PLA2R1: variants seen among roughly 807,000 people sequenced by gnomAD.
The protein encoded by PLA2R1 is secretory phospholipase A2 receptor.
In PLA2R1, 158 loss-of-function variants were observed where a neutral mutation model predicts 195.9. The ratio of observed to expected loss-of-function variants is 0.81; its 90% CI spans 0.71 to 0.92. The LOEUF (loss-of-function observed/expected upper bound fraction) is 0.92. Ranked by LOEUF, PLA2R1 falls within the 40% of genes least tolerant of loss-of-function variation. The pLI, the probability that PLA2R1 is intolerant of heterozygous loss-of-function variation, is 0.00. For missense variants in PLA2R1, 1,626 were observed against 1,764.6 expected, an observed-to-expected ratio of 0.92 and a Z score of 1.41; for synonymous variants, 586 against 598.2, an observed-to-expected ratio of 0.98 and a Z score of 0.30.
chr2:160,023,561 C>A (rs1693289469), intron 6 of PLA2R1, among the ~76,000 whole-genome samples: 1 of 152,204 alleles, frequency 6.6e-6, no homozygotes, highest in African/African-American at 2.4e-5. Flanking sequence ...GAATAATCTA[C>A]CCCTTGTTTA....
rs113935541 is a variant in PLA2R1 at position 159,966,484 on chromosome 2, C to G, written c.2904+1055G>C. 2.0e-4 allele frequency among the ~76,000 whole-genome samples: 31 copies of G among 152,196 alleles called. 1 individual carries two copies. The highest frequency in any genetic ancestry group is 7.2e-4 in the African/African-American group (30 of 41,550). Reference sequence around the variant, plus strand: ...TGAATGACAGTGTGAGTATGTGATACTTAACACTAGTAAACAGTAGACAAA... The same window carrying G: ...TGAATGACAGTGTGAGTATGTGATAGTTAACACTAGTAAACAGTAGACAAA... On this transcript the variant is annotated intron_variant, in intron 20 of 29. Transcript: ENST00000283243.
Position 160,062,312 on chromosome 2 carries a change from C to G in PLA2R1, c.92G>C (p.Arg31Pro). The change falls in exon 1 of 30, where the codon CGG (arginine) becomes CCG (proline). Residue 31 changes from arginine (R) to proline (P), a missense_variant. Arg to Pro is a moderately radical substitution (Grantham distance 103). Transcript: ENST00000283243. ...AGACTCACCCTGCCACTCCAGGAGC[C>G]GCTCGGGGGTAAGCGCCGCCGCCAC... ...EGVAAALTPE[R>P]LLEWQDKGIF... 6.6e-7 allele frequency: 1 copy of G among 1,513,358 alleles called. No individual in the cohort carries two copies. Among genetic ancestry groups the G allele is most frequent in the Admixed American group, 2.2e-5 (1 of 46,322 alleles). 93.7% of individuals were successfully genotyped at this position (1,513,358 alleles called of 1,614,324 possible).
rs999115475 is a variant in PLA2R1, at chr2:159,939,277, G to T, written c.*2501C>A. On this transcript the variant is annotated 3_prime_UTR_variant, in exon 30 of 30. Transcript: ENST00000283243. ...AATCTTAGCACTTTGGGAGGCTGGGGCGGGTGGATCACGAGATCAGGAGAT... is the reference window on the plus strand; with the variant it reads ...AATCTTAGCACTTTGGGAGGCTGGGTCGGGTGGATCACGAGATCAGGAGAT... The T allele has an allele frequency of 6.6e-6, 1 of 152,066 alleles. No homozygotes were observed. Among genetic ancestry groups the T allele is most frequent in the Non-Finnish European group, 1.5e-5 (1 of 68,022 alleles). 9.4% of individuals were successfully genotyped at this position (152,066 alleles called of 1,614,324 possible). A position where few individuals can be genotyped will look rare whatever the true frequency, so the allele number is the denominator to read the frequency against.
chr2:160,040,078 C>T (rs757412765), intron 3 of PLA2R1, among the ~76,000 whole-genome samples: 5 of 151,762 alleles, frequency 3.3e-5, no homozygotes, highest in Non-Finnish European at 5.9e-5. Context: ...AGAGATGATG[C>T]AAATAATATG....
Position 159,946,682 on chromosome 2 carries a change from A to T in PLA2R1, c.3967+119T>A, listed in dbSNP as rs762648505. On this transcript the variant is annotated intron_variant, in intron 27 of 29. Transcript: ENST00000283243. Reference sequence around the variant, plus strand: ...TTTGGAAGAAATGGCTTTAGGCTTCATGCTATTTTTTCTCAGAAAACGTAT... The same window carrying T: ...TTTGGAAGAAATGGCTTTAGGCTTCTTGCTATTTTTTCTCAGAAAACGTAT... 4.1e-4 allele frequency: 596 copies of T among 1,441,192 alleles called. 1 individual carries two copies. The highest frequency in any genetic ancestry group is 5.1e-4 in the Non-Finnish European group (562 of 1,100,842). The allele number at this position is 1,441,192 out of a possible 1,614,324, so 89.3% of individuals were successfully genotyped here. A position where few individuals can be genotyped will look rare whatever the true frequency, so the allele number is the denominator to read the frequency against.
At chr2:159,984,796 C>T (rs1546512) in intron 12 of PLA2R1, among the ~76,000 whole-genome samples, 26,556 of 152,090 alleles carry the variant, frequency 0.17, 5,423 homozygotes, top group African/African-American at 0.49. Flanking sequence ...AATCCCAGTC[C>T]TCTTACCCTT....
rs201969665 is a variant in PLA2R1, at chr2:160,044,981, C to T, written c.286G>A (p.Ala96Thr). 1.2e-4 allele frequency: 195 copies of T among 1,613,868 alleles called. No homozygotes were observed. The highest frequency in any genetic ancestry group is 1.5e-4 in the Non-Finnish European group (172 of 1,179,924). The change falls in exon 2 of 30, where the codon GCC (alanine) becomes ACC (threonine). Residue 96 changes from alanine (A) to threonine (T), a missense_variant. Coordinates refer to ENST00000283243, the MANE Select transcript of PLA2R1 (RefSeq NM_007366.5). ...GSGCLGLNFS[A>T]PEQPLSLYEC... The stretch of plus-strand genomic sequence containing the variant: ...TATAAGCTTAATGGCTGCTCTGGGG[C>T]GGAGAAATTCAGGCCCAGGCAACCA...
chr2:160,036,325 T>C (rs1694162718), intron 3 of PLA2R1, among the ~76,000 whole-genome samples: 2 of 152,234 alleles, frequency 1.3e-5, no homozygotes, highest in African/African-American at 4.8e-5. Context: ...GGAGTCTGAA[T>C]TAATGTCTCA....
At chr2:160,010,585 G>A (rs1259113986) in intron 10 of PLA2R1, among the ~76,000 whole-genome samples, 1 of 152,170 alleles carries the variant, frequency 6.6e-6, no homozygotes, top group African/African-American at 2.4e-5. Context: ...AAGAGTGACA[G>A]GAGTGTCTTA....
the PLA2R1 span, among the ~76,000 whole-genome samples, chr2:159,925,202 C>A: frequency 7.2e-4 from 69 of 95,232 alleles, 1 homozygote; most frequent in Middle Eastern, 5.2e-3. Context: ...AAAAAACAAA[C>A]AAACAATCAA....
chr2:160,033,962 G>A (rs2105533159), intron 3 of PLA2R1, among the ~76,000 whole-genome samples: 1 of 152,302 alleles, frequency 6.6e-6, no homozygotes, highest in South Asian at 2.1e-4. Flanking sequence ...ACCAGCTGAA[G>A]TCTAGGATGG....
intron 6 of PLA2R1, among the ~76,000 whole-genome samples, chr2:160,026,525 C>T (rs1278036555): frequency 1.3e-5 from 2 of 152,120 alleles, no homozygotes; most frequent in Non-Finnish European, 2.9e-5. Context: ...AACACAGTGC[C>T]ATGATGTTTT....
chr2:159,970,181 C>T lies in PLA2R1; in HGVS notation c.2627G>A (p.Gly876Glu), dbSNP rs758622437. 3 of 1,609,800 alleles carry T rather than the reference C, an allele frequency of 1.9e-6. No homozygotes were observed. Among genetic ancestry groups the T allele is most frequent in the Non-Finnish European group, 2.5e-6 (3 of 1,177,708 alleles). Residue 876 changes from glycine to glutamate, a missense_variant, in exon 18 of 30, where the codon GGA becomes GAA. Coordinates refer to ENST00000283243, the MANE Select transcript of PLA2R1 (RefSeq NM_007366.5). The part of the protein sequence containing the change: ...LSKYGASWWI[G>E]LQEERANDEF... ...ATCATTGGCTCTTTCTTCTTGAAGT[C>T]CAATCCACCAACTTGCACCATACTT...
chr2:160,019,731 T>A (rs1056127570), intron 8 of PLA2R1, among the ~76,000 whole-genome samples: 3 of 152,234 alleles, frequency 2.0e-5, no homozygotes, highest in Non-Finnish European at 4.4e-5. Flanking sequence ...ACATGGCAAG[T>A]CTTGGTCTGC....
chr2:160,062,007 C>G (rs1695988286), intron 1 of PLA2R1, among the ~76,000 whole-genome samples: 1 of 152,112 alleles, frequency 6.6e-6, no homozygotes, highest in Non-Finnish European at 1.5e-5. Context: ...GGCGCCAGAG[C>G]CGAGAGGAGT....
At chr2:160,016,468 AG>A (rs1692759881) in intron 9 of PLA2R1, 145 bp downstream of exon 9, 2 of 557,314 alleles carry the variant, frequency 3.6e-6, no homozygotes, top group Admixed American at 7.3e-5. Flanking sequence ...AGGAAAGGAA[AG>A]AAGGGGGGGG....
At chr2:160,011,670 G>A (rs371336592) in intron 10 of PLA2R1, among the ~76,000 whole-genome samples, 33 of 152,282 alleles carry the variant, frequency 2.2e-4, no homozygotes, top group Non-Finnish European at 3.2e-4. Flanking sequence ...ACAAAAGAGC[G>A]TATAGCTTCA....
At chr2:159,987,448 A>T (rs1277347444) in intron 11 of PLA2R1, 90 bp from the exon 12 acceptor site, 1 of 877,318 alleles carries the variant, frequency 1.1e-6, no homozygotes, top group African/African-American at 1.7e-5. Context: ...AATAATTGAC[A>T]TCTCATAATT....
chr2:160,059,039 T>C (rs1695768012), intron 1 of PLA2R1, among the ~76,000 whole-genome samples: 1 of 152,176 alleles, frequency 6.6e-6, no homozygotes, highest in Non-Finnish European at 1.5e-5. Context: ...TGACAGATCA[T>C]CAGGCATTAG....
Sources: gnomAD v4.1 joint callset for allele counts (sites outside exome capture counted in the v4.1 genomes callset) on GRCh38, gnomAD v4.1.1 for gene constraint, MANE v1.5 for transcripts, NCBI Gene and HGNC (gene_info 2026-07-23, HGNC 2026-07-21) for gene names.